FOXK2: variants seen among roughly 807,000 people sequenced by gnomAD.
The protein encoded by FOXK2 is forkhead box K2, also known as forkhead box protein K2.
Under a neutral mutation model 53.3 loss-of-function variants are expected in FOXK2, and 24 were observed. The observed-to-expected ratio is 0.45, with a 90% CI of 0.33 to 0.63. The LOEUF (loss-of-function observed/expected upper bound fraction) is 0.63, where lower values mean the gene tolerates loss of function less well. Ranked by LOEUF, FOXK2 falls within the 30% of genes least tolerant of loss-of-function variation. The probability of loss-of-function intolerance (pLI) is 0.03; values close to 1 mark genes in which losing one functional copy is unlikely to be tolerated. For missense variants in FOXK2, 952 were observed against 910.5 expected, an observed-to-expected ratio of 1.05 and a Z score of -0.59; for synonymous variants, 505 against 407.1, an observed-to-expected ratio of 1.24 and a Z score of -2.89.
At chr17:82,589,817 G>A (rs1406076135) in intron 8 of FOXK2, among the ~76,000 whole-genome samples, 2 of 152,188 alleles carry the variant, frequency 1.3e-5, no homozygotes, top group African/African-American at 4.8e-5. Context: ...AGGTGGAGGT[G>A]GGCGGATCAC....
chr17:82,522,106 G>A (rs2171211), intron 1 of FOXK2, among the ~76,000 whole-genome samples: 23,509 of 133,960 alleles, frequency 0.18, 2,437 homozygotes, highest in East Asian at 0.4. Flanking sequence ...TGCGTCTACT[G>A]TGAGGATCTT....
intron 2 of FOXK2, among the ~76,000 whole-genome samples, chr17:82,565,871 T>C (rs1567976065): frequency 1.3e-5 from 2 of 152,234 alleles, no homozygotes; most frequent in African/African-American, 2.4e-5. Context: ...ATAGCAGCCT[T>C]ATGCACAATT....
At chr17:82,563,846 G>A (rs1274875136) in intron 2 of FOXK2, among the ~76,000 whole-genome samples, 2 of 149,076 alleles carry the variant, frequency 1.3e-5, no homozygotes, top group Admixed American at 6.7e-5. Flanking sequence ...CTGCCTCCCA[G>A]GTTCAAGCGA....
Position 82,587,259 on chromosome 17 carries a change from C to T in FOXK2, c.1773C>T (p.Gly591=). The part of the protein sequence containing the change: ...HVASVPTAVH[G]QVNNAAASPL... ...CATCAGTCCCCACTGCGGTCCACGGCCAGGTGAACAATGGTAAGACATGCT... is the reference window on the plus strand; with the variant it reads ...CATCAGTCCCCACTGCGGTCCACGGTCAGGTGAACAATGGTAAGACATGCT... The change falls in exon 8 of 9, where the codon GGC becomes GGT. Residue 591 remains glycine (G), a synonymous_variant. Transcript: ENST00000335255. The T allele has an allele frequency of 6.2e-7, 1 of 1,612,674 alleles. No individual in the cohort carries two copies. Among genetic ancestry groups the T allele is most frequent in the Non-Finnish European group, 8.5e-7 (1 of 1,179,702 alleles).
chr17:82,536,780 T>TG (rs2044524811), intron 1 of FOXK2, among the ~76,000 whole-genome samples: 1 of 152,238 alleles, frequency 6.6e-6, no homozygotes. Flanking sequence ...CTGAATGTCC[T>TG]GATTTCCCAG....
intron 1 of FOXK2, chr17:82,559,313 C>T (rs1437973422): frequency 1.6e-5 from 7 of 450,710 alleles, no homozygotes; most frequent in South Asian, 1.1e-4. Context: ...CCCATCTCTG[C>T]TACTGGCTGG....
chr17:82,558,562 C>T (rs1417345767), intron 1 of FOXK2, among the ~76,000 whole-genome samples: 1 of 152,202 alleles, frequency 6.6e-6, no homozygotes, highest in Non-Finnish European at 1.5e-5. Flanking sequence ...ACTGCCCCCA[C>T]AGGGGAGGAA....
chr17:82,540,056 G>A (rs757887935), intron 1 of FOXK2, among the ~76,000 whole-genome samples: 3 of 152,268 alleles, frequency 2.0e-5, no homozygotes, highest in African/African-American at 7.2e-5. Context: ...CAAGGAAGGC[G>A]GATCACCTGA....
intron 8 of FOXK2, among the ~76,000 whole-genome samples, chr17:82,590,972 G>A (rs1179003441): frequency 6.6e-6 from 1 of 152,194 alleles, no homozygotes; most frequent in East Asian, 1.9e-4. Context: ...GGCCCCAAGG[G>A]CAGCCTGGGC....
intron 4 of FOXK2, among the ~76,000 whole-genome samples, chr17:82,573,562 TCACACACA>T (rs1019671658): frequency 1.6e-3 from 137 of 83,350 alleles, no homozygotes; most frequent in South Asian, 5.2e-3. Context: ...TCTCTCTCTC[TCACACACA>T]CACACACACA....
chr17:82,527,940 A>G (rs960886590), intron 1 of FOXK2, among the ~76,000 whole-genome samples: 1 of 152,148 alleles, frequency 6.6e-6, no homozygotes, highest in Non-Finnish European at 1.5e-5. Context: ...AGCTGAGAGT[A>G]CAGGCCTGCA....
intron 1 of FOXK2, among the ~76,000 whole-genome samples, chr17:82,521,183 TG>T (rs2044358168): frequency 6.6e-6 from 1 of 152,190 alleles, no homozygotes; most frequent in African/African-American, 2.4e-5. Flanking sequence ...TTTTGTTTTT[TG>T]TTTTTTGAGA....
At chr17:82,573,138 A>G (rs2044937680) in intron 4 of FOXK2, among the ~76,000 whole-genome samples, 1 of 152,036 alleles carries the variant, frequency 6.6e-6, no homozygotes, top group African/African-American at 2.4e-5. Flanking sequence ...GGTTACAGAT[A>G]TCTGTGATCA....
intron 7 of FOXK2, 129 bp downstream of exon 7, chr17:82,586,329 G>C (rs1227067230): frequency 4.9e-6 from 2 of 408,140 alleles, no homozygotes; most frequent in African/African-American, 6.1e-5. Flanking sequence ...GGAGAGGGGA[G>C]ACCACAGGGA....
At position 82,520,188 on chromosome 17, in the gene FOXK2, C is replaced by G. The variant is rs755846055; in HGVS notation, c.300C>G (p.Pro100=). 1.5e-5 allele frequency: 21 copies of G among 1,428,006 alleles called. No homozygotes were observed. Among genetic ancestry groups the G allele is most frequent in the Non-Finnish European group, 1.8e-5 (20 of 1,088,322 alleles). 88.5% of individuals were successfully genotyped at this position (1,428,006 alleles called of 1,614,324 possible). A position where few individuals can be genotyped will look rare whatever the true frequency, so the allele number is the denominator to read the frequency against. The change falls in exon 1 of 9, where the codon CCC becomes CCG. Residue 100 remains proline, a synonymous_variant. Coordinates refer to ENST00000335255, the MANE Select transcript of FOXK2 (RefSeq NM_004514.4). ...GCGGGGCCGCTCCGGAGCTGCCGCC[C>G]GCGCAGCCCAGGCCCGACGCCGGCG... ...GHGGAAPELP[P]AQPRPDAGGD...
chr17:82,595,912 G>A lies in FOXK2; in HGVS notation c.1787-5391G>A, dbSNP rs758540180. ...AGAGCAAAGCCTTTTCCGGCAGCCCGGAACCTGGGATGAGAAACGACAGGT... is the reference window on the plus strand; with the variant it reads ...AGAGCAAAGCCTTTTCCGGCAGCCCAGAACCTGGGATGAGAAACGACAGGT... On this transcript the variant is annotated intron_variant, in intron 8 of 8. Coordinates refer to ENST00000335255, the MANE Select transcript of FOXK2 (RefSeq NM_004514.4). 385 of 1,273,018 alleles carry A rather than the reference G, an allele frequency of 3.0e-4. 1 individual carries two copies. The highest frequency in any genetic ancestry group is 1.3e-3 in the South Asian group (100 of 79,504). 78.9% of individuals were successfully genotyped at this position (1,273,018 alleles called of 1,614,324 possible).
At chr17:82,565,859 T>TC (rs2044846473) in intron 2 of FOXK2, among the ~76,000 whole-genome samples, 1 of 152,236 alleles carries the variant, frequency 6.6e-6, no homozygotes, top group African/African-American at 2.4e-5. Context: ...ATGCCTGTTT[T>TC]CATAGCAGCC....
chr17:82,557,160 G>A (rs530739009), intron 1 of FOXK2, among the ~76,000 whole-genome samples: 73 of 151,066 alleles, frequency 4.8e-4, no homozygotes, highest in Admixed American at 2.3e-3. Flanking sequence ...AGCCTCCCAA[G>A]TAGCTGGGAT....
intron 1 of FOXK2, among the ~76,000 whole-genome samples, chr17:82,543,274 G>C (rs1416505991): frequency 6.6e-6 from 1 of 152,224 alleles, no homozygotes; most frequent in Non-Finnish European, 1.5e-5. Flanking sequence ...TTTAGAGATA[G>C]GGCCTTGCTC....
Sources: allele counts gnomAD v4.1 joint callset (sites outside exome capture counted in the v4.1 genomes callset), GRCh38; gene constraint gnomAD v4.1.1; transcripts MANE v1.5; gene names NCBI Gene and HGNC (gene_info 2026-07-23, HGNC 2026-07-21).